The following EFR3B variants were observed in gnomAD, a reference collection of about 807,000 sequenced individuals.
EFR3B encodes the protein EFR3 homolog B.
EFR3B carries 64 observed loss-of-function variants against 104.7 expected under a neutral mutation model. The ratio of observed to expected loss-of-function variants is 0.61; its 90% CI spans 0.50 to 0.75. EFR3B has a LOEUF of 0.75. Ranked by LOEUF, EFR3B falls within the 30% of genes least tolerant of loss-of-function variation. EFR3B has a pLI of 0.00. For missense variants in EFR3B, 750 were observed against 1,078.5 expected (o/e 0.70, Z 4.27); for synonymous variants, 385 against 417.9 (o/e 0.92, Z 0.96).
intron 1 of EFR3B, among the ~76,000 whole-genome samples, chr2:25,064,856 C>T (rs1316595390): frequency 6.6e-6 from 1 of 152,200 alleles, no homozygotes; most frequent in Non-Finnish European, 1.5e-5. Context: ...TGATAAATAA[C>T]ATTTTTAAAG....
chr2:25,062,478 A>C (rs1481399739), intron 1 of EFR3B, among the ~76,000 whole-genome samples: 1 of 152,246 alleles, frequency 6.6e-6, no homozygotes, highest in African/African-American at 2.4e-5. Flanking sequence ...AAGAGAAGAA[A>C]ACATCCGTGC....
chr2:25,125,925 C>G (rs891078800), intron 5 of EFR3B, among the ~76,000 whole-genome samples: 18 of 152,112 alleles, frequency 1.2e-4, no homozygotes, highest in African/African-American at 4.1e-4. Flanking sequence ...CAGAGCGAGA[C>G]TCCGTCTCAA....
chr2:25,058,009 C>T (rs1668071584), intron 1 of EFR3B: 1 of 151,704 alleles, frequency 6.6e-6, no homozygotes, highest in South Asian at 2.1e-4. Flanking sequence ...TTTGACTATA[C>T]GTTTCTTCAA....
intron 4 of EFR3B, among the ~76,000 whole-genome samples, chr2:25,112,600 A>G (rs1276076740): frequency 6.6e-6 from 1 of 152,212 alleles, no homozygotes; most frequent in East Asian, 1.9e-4. Flanking sequence ...AAACAAGGAC[A>G]GTGGGGAGAA....
chr2:25,049,279 T>C (rs1219274349), intron 1 of EFR3B, among the ~76,000 whole-genome samples: 3 of 152,212 alleles, frequency 2.0e-5, no homozygotes, highest in Admixed American at 2.0e-4. Flanking sequence ...ACTATTTGCG[T>C]GTTAGTAAAT....
chr2:25,053,731 A>T (rs1233867192), intron 1 of EFR3B, among the ~76,000 whole-genome samples: 1 of 152,040 alleles, frequency 6.6e-6, no homozygotes, highest in African/African-American at 2.4e-5. Flanking sequence ...GGTGAATGAA[A>T]CCCCATCTCT....
chr2:25,135,019 G>A (rs1335168689), intron 12 of EFR3B, among the ~76,000 whole-genome samples: 2 of 152,176 alleles, frequency 1.3e-5, no homozygotes, highest in Admixed American at 6.5e-5. Flanking sequence ...GCACTATTTG[G>A]TGGTTGCCGT....
At chr2:25,071,262 T>TC (rs1187607504) in intron 1 of EFR3B, among the ~76,000 whole-genome samples, 2 of 121,888 alleles carry the variant, frequency 1.6e-5, no homozygotes, top group Admixed American at 8.5e-5. Context: ...GCCCGGCCTT[T>TC]TTTTTTTTTT....
At chr2:25,124,900 C>T (rs775432091) in intron 5 of EFR3B, among the ~76,000 whole-genome samples, 74 of 151,802 alleles carry the variant, frequency 4.9e-4, no homozygotes, top group Non-Finnish European at 9.1e-4. Context: ...CTATTGAAAA[C>T]ACAAAAAATT....
intron 19 of EFR3B, among the ~76,000 whole-genome samples, chr2:25,148,469 G>A (rs1670895871): frequency 6.6e-6 from 1 of 151,276 alleles, no homozygotes; most frequent in Non-Finnish European, 1.5e-5. Flanking sequence ...TGACCAGGCC[G>A]GTCTCGAACT....
chr2:25,049,158 G>C (rs1049438090), intron 1 of EFR3B, among the ~76,000 whole-genome samples: 1 of 152,084 alleles, frequency 6.6e-6, no homozygotes, highest in African/African-American at 2.4e-5. Context: ...CTATACTCTC[G>C]AGAGCGTTCA....
chr2:25,094,677 G>A (rs1464902104), intron 3 of EFR3B, among the ~76,000 whole-genome samples: 2 of 152,198 alleles, frequency 1.3e-5, no homozygotes, highest in African/African-American at 2.4e-5. Context: ...TCTCTAGAAA[G>A]TAATTTTGAA....
At chr2:25,103,917 C>T (rs1669494509) in intron 4 of EFR3B, 130 bp downstream of exon 4, 3 of 1,120,478 alleles carry the variant, frequency 2.7e-6, no homozygotes, top group Non-Finnish European at 2.5e-6. Context: ...GTGTGACACA[C>T]TGCTTGTTTT....
In EFR3B at chr2:25,042,437, C is replaced by T; in HGVS notation, c.7+118C>T. On this transcript the variant is annotated intron_variant, in intron 1 of 22. Coordinates refer to ENST00000403714, the MANE Select transcript of EFR3B (RefSeq NM_014971.2). This position sits in a 1 kb window ranked among gnomAD's most constrained non-coding sequence, Gnocchi z 5.4. ...GCGGGGCCAGGCCGCTGACCTGGTGCCCGGCGGGGCTGTTGCGGTCGCTCT... is the reference window on the plus strand; with the variant it reads ...GCGGGGCCAGGCCGCTGACCTGGTGTCCGGCGGGGCTGTTGCGGTCGCTCT... The T allele has an allele frequency of 2.5e-6, 3 of 1,214,526 alleles. No homozygotes were observed. The South Asian group carries it at 1.3e-4, about 51-fold the overall frequency. 75.2% of individuals were successfully genotyped at this position (1,214,526 alleles called of 1,614,324 possible). A position where few individuals can be genotyped will look rare whatever the true frequency, so the allele number is the denominator to read the frequency against.
chr2:25,105,775 A>G (rs771424770), intron 4 of EFR3B, among the ~76,000 whole-genome samples: 3 of 152,200 alleles, frequency 2.0e-5, no homozygotes, highest in Non-Finnish European at 4.4e-5. Context: ...GGCCACTGGA[A>G]GCAGGTGGCC....
chr2:25,085,491 A>G (rs565672772), intron 1 of EFR3B, among the ~76,000 whole-genome samples: 1 of 152,062 alleles, frequency 6.6e-6, no homozygotes, highest in South Asian at 2.1e-4. Flanking sequence ...TTGAGACGAA[A>G]TCTCTTTCTG....
At chr2:25,147,920 C>T (rs550025560) in intron 19 of EFR3B, 1 of 148,620 alleles carries the variant, frequency 6.7e-6, no homozygotes, top group Admixed American at 6.9e-5. Context: ...ACTGGGGAGG[C>T]TGAGGCAGGA....
intron 1 of EFR3B, among the ~76,000 whole-genome samples, chr2:25,079,243 A>G (rs1406528659): frequency 6.6e-6 from 1 of 152,234 alleles, no homozygotes; most frequent in Non-Finnish European, 1.5e-5. Context: ...ATTGAAGTGA[A>G]GAGACTGGCC....
In EFR3B at chr2:25,061,742, C is replaced by T. The variant is rs563796362; in HGVS notation, c.7+19423C>T. Among the ~76,000 whole-genome samples, 8 of 150,490 alleles carry T rather than the reference C, an allele frequency of 5.3e-5. 1 individual carries two copies. Among genetic ancestry groups the T allele is most frequent in the Middle Eastern group, 3.6e-3 (1 of 278 alleles). ...AACTCCTGACCTCAGGTGATCCACC[C>T]GCCTTGGCCTCCCAAAGTGCTGGGA... is the stretch of plus-strand genomic sequence containing the variant. On this transcript the variant is annotated intron_variant, in intron 1 of 22. Coordinates refer to ENST00000403714, the MANE Select transcript of EFR3B (RefSeq NM_014971.2).
Sources: allele counts gnomAD v4.1 joint callset (sites outside exome capture counted in the v4.1 genomes callset), GRCh38; gene constraint gnomAD v4.1.1; non-coding constraint Gnocchi (gnomAD v3.1); transcripts MANE v1.5; gene names NCBI Gene and HGNC (gene_info 2026-07-23, HGNC 2026-07-21).